SMAD2: variants seen among roughly 807,000 people sequenced by gnomAD.
The protein encoded by SMAD2 is SMAD family member 2.
Under a neutral mutation model 64.4 loss-of-function variants are expected in SMAD2, and 8 were observed. The observed-to-expected ratio is 0.12, with a 90% CI of 0.07 to 0.22. The LOEUF (loss-of-function observed/expected upper bound fraction) is 0.22, where lower values mean the gene tolerates loss of function less well. Among genes scored for constraint, SMAD2 ranks in the 10% least tolerant of loss-of-function variants. SMAD2 has a pLI of 1.00. For missense variants in SMAD2, 289 were observed against 561.2 expected (o/e 0.51, Z 4.90); for synonymous variants, 203 against 195.8 (o/e 1.04, Z -0.31).
At chr18:47,862,090 A>G (rs1223848345) in intron 6 of SMAD2, among the ~76,000 whole-genome samples, 1 of 152,216 alleles carries the variant, frequency 6.6e-6, no homozygotes, top group African/African-American at 2.4e-5. Flanking sequence ...ACTGTCTAGG[A>G]GTACAAAAAA....
Position 47,839,034 on chromosome 18 carries a change from A to G in SMAD2, c.*2793T>C, listed in dbSNP as rs1035859981. 1 of 233,196 alleles carries G rather than the reference A, an allele frequency of 4.3e-6. No homozygotes were observed. Among genetic ancestry groups the G allele is most frequent in the Non-Finnish European group, 8.5e-6 (1 of 118,036 alleles). 14.4% of individuals were successfully genotyped at this position (233,196 alleles called of 1,614,324 possible). The stretch of plus-strand genomic sequence containing the variant: ...GGGGAGGGGCAGAAAACAAAAAAAA[A>G]ATCAGGCCACAGTAGATAAAATACA... On this transcript the variant is annotated 3_prime_UTR_variant, in exon 11 of 11. Coordinates refer to ENST00000262160, the MANE Select transcript of SMAD2 (RefSeq NM_005901.6).
intron 2 of SMAD2, among the ~76,000 whole-genome samples, chr18:47,893,704 G>T (rs1008033199): frequency 6.6e-6 from 1 of 152,090 alleles, no homozygotes. Flanking sequence ...TAGTTGTTAA[G>T]AAATGACTAA....
At position 47,810,468 on chromosome 18, in the gene SMAD2, T is replaced by G. The variant is rs1010859196; in HGVS notation, c.*31359A>C. 1.3e-5 allele frequency: 2 copies of G among 152,240 alleles called. No individual in the cohort carries two copies. Among genetic ancestry groups the G allele is most frequent in the African/African-American group, 2.4e-5 (1 of 41,450 alleles). The allele number at this position is 152,240 out of a possible 1,614,324, so 9.4% of individuals were successfully genotyped here. ...CCCTGCAGCAGTTTATGCTACAGAC[T>G]GGGCTTTCAATCACCTGATTCCACA... is the stretch of plus-strand genomic sequence containing the variant. On this transcript the variant is annotated 3_prime_UTR_variant, in exon 11 of 11. Coordinates refer to ENST00000262160, the MANE Select transcript of SMAD2 (RefSeq NM_005901.6).
intron 5 of SMAD2, chr18:47,866,778 A>G (rs568408622): frequency 6.6e-6 from 1 of 152,272 alleles, no homozygotes; most frequent in Admixed American, 6.5e-5. Flanking sequence ...AAACCGGATA[A>G]AGCCCCACTG....
At chr18:47,873,760 A>C (rs1244611881) in intron 2 of SMAD2, among the ~76,000 whole-genome samples, 1 of 152,212 alleles carries the variant, frequency 6.6e-6, no homozygotes, top group Non-Finnish European at 1.5e-5. Flanking sequence ...TCAAAGCTGC[A>C]AACTGTACTG....
In SMAD2 at chr18:47,816,693, C is replaced by T. The variant is rs1208092286; in HGVS notation, c.*25134G>A. 6.6e-6 allele frequency: 1 copy of T among 152,016 alleles called. No individual in the cohort carries two copies. Among genetic ancestry groups the T allele is most frequent in the Non-Finnish European group, 1.5e-5 (1 of 68,018 alleles). The allele number at this position is 152,016 out of a possible 1,614,324, so 9.4% of individuals were successfully genotyped here. On this transcript the variant is annotated 3_prime_UTR_variant, in exon 11 of 11. Transcript: ENST00000262160. ...ATTATTTCAAAACAATTATACAACC[C>T]TCATTTTTCTTTAAAATCTTTGTCT...
chr18:47,916,141 T>C (rs998179202), intron 1 of SMAD2, among the ~76,000 whole-genome samples: 1 of 152,240 alleles, frequency 6.6e-6, no homozygotes, highest in Non-Finnish European at 1.5e-5. Context: ...TATTTTTGTT[T>C]TGAGTAAATA....
rs1392044043 is a variant in SMAD2, at chr18:47,834,328, T to C, written c.*7499A>G. ...TTAAGTTCAAGATATGTACTCTCAA[T>C]GGAGAATCGCTTTTGGGCAGTGGTT... On this transcript the variant is annotated 3_prime_UTR_variant, in exon 11 of 11. Transcript: ENST00000262160. 4.8e-6 allele frequency: 1 copy of C among 208,564 alleles called. No homozygotes were observed. The highest frequency in any genetic ancestry group is 7.2e-5 in the East Asian group (1 of 13,894). The allele number at this position is 208,564 out of a possible 1,614,324, so 12.9% of individuals were successfully genotyped here.
At chr18:47,879,273 A>G (rs1568075769) in intron 2 of SMAD2, among the ~76,000 whole-genome samples, 1 of 152,172 alleles carries the variant, frequency 6.6e-6, no homozygotes, top group African/African-American at 2.4e-5. Flanking sequence ...TCAGATGCAT[A>G]CATTGTACAC....
At position 47,845,820 on chromosome 18, in the gene SMAD2, A is replaced by G; in HGVS notation, c.998-20T>C. ...CTCTTCCTGAAACAAAATACAAATG[A>G]GATTAGTTTTGTAACATTTACTATT... On this transcript the variant is annotated intron_variant, in intron 8 of 10. Coordinates refer to ENST00000262160, the MANE Select transcript of SMAD2 (RefSeq NM_005901.6). 2 of 1,610,920 alleles carry G rather than the reference A, an allele frequency of 1.2e-6. No homozygotes were observed. Among genetic ancestry groups the G allele is most frequent in the Middle Eastern group, 3.3e-4 (2 of 6,054 alleles).
At chr18:47,903,984 T>C (rs937747064) in intron 1 of SMAD2, among the ~76,000 whole-genome samples, 1 of 146,392 alleles carries the variant, frequency 6.8e-6, no homozygotes, top group Non-Finnish European at 1.5e-5. Context: ...TATGAAGAGA[T>C]AATGGCCATA....
chr18:47,890,031 G>C (rs2033116558), intron 2 of SMAD2, among the ~76,000 whole-genome samples: 1 of 152,128 alleles, frequency 6.6e-6, no homozygotes, highest in South Asian at 2.1e-4. Flanking sequence ...TCCCTGATAA[G>C]GTAAGTGATA....
Position 47,817,561 on chromosome 18 carries a change from A to C in SMAD2, c.*24266T>G, listed in dbSNP as rs7240538. ...AGCGATCCTCCTGCCTTGGCCTCCC[A>C]AAGTGCTGGGATTACAGGCATGGGC... On this transcript the variant is annotated 3_prime_UTR_variant, in exon 11 of 11. Transcript: ENST00000262160. The C allele has an allele frequency of 6.6e-6, 1 of 152,576 alleles. No individual in the cohort carries two copies. The highest frequency in any genetic ancestry group is 6.6e-5 in the Admixed American group (1 of 15,266). 9.5% of individuals were successfully genotyped at this position (152,576 alleles called of 1,614,324 possible).
intron 5 of SMAD2, chr18:47,867,349 T>C (rs1245467236): frequency 6.6e-6 from 1 of 152,226 alleles, no homozygotes; most frequent in Non-Finnish European, 1.5e-5. Flanking sequence ...TTCTTTTTTT[T>C]CTTCCTTACA....
chr18:47,912,332 T>C (rs1425458662), intron 1 of SMAD2: 1 of 152,138 alleles, frequency 6.6e-6, no homozygotes, highest in Admixed American at 6.5e-5. Flanking sequence ...GACGTGCAGT[T>C]TAGGGAAAAG....
chr18:47,867,322 T>A (rs1009317640), intron 5 of SMAD2: 2 of 152,168 alleles, frequency 1.3e-5, no homozygotes, highest in African/African-American at 2.4e-5. Context: ...AAAAAACTTA[T>A]CTTTCTTAGT....
At chr18:47,887,989 G>A (rs2032998376) in intron 2 of SMAD2, among the ~76,000 whole-genome samples, 1 of 152,164 alleles carries the variant, frequency 6.6e-6, no homozygotes, top group Non-Finnish European at 1.5e-5. Context: ...GACTCAGGGT[G>A]TCTTTTCTGC....
chr18:47,886,175 T>G (rs1269887908), intron 2 of SMAD2, among the ~76,000 whole-genome samples: 1 of 152,230 alleles, frequency 6.6e-6, no homozygotes, highest in Non-Finnish European at 1.5e-5. Flanking sequence ...TTATACAGTT[T>G]TATAATGCTT....
chr18:47,869,684 CA>C (rs1398529873), intron 3 of SMAD2, among the ~76,000 whole-genome samples: 1 of 152,030 alleles, frequency 6.6e-6, no homozygotes, highest in African/African-American at 2.4e-5. Context: ...GAAAGGCTAA[CA>C]ACTTGGGAAA....
Sources: gnomAD v4.1 joint callset for allele counts (sites outside exome capture counted in the v4.1 genomes callset) on GRCh38, gnomAD v4.1.1 for gene constraint, MANE v1.5 for transcripts, NCBI Gene and HGNC (gene_info 2026-07-23, HGNC 2026-07-21) for gene names.